The following ATP6V1C2 variants were observed in gnomAD, a reference collection of about 807,000 sequenced individuals.
ATP6V1C2 encodes the protein V-type proton ATPase subunit C 2.
In ATP6V1C2, 45 loss-of-function variants were observed where a neutral mutation model predicts 56.8. The ratio of observed to expected loss-of-function variants is 0.79; its 90% CI spans 0.62 to 1.02. The LOEUF is 1.02. Ranked by LOEUF, ATP6V1C2 falls within the 50% of genes least tolerant of loss-of-function variation. The pLI is 0.00. For synonymous variants in ATP6V1C2, 220 were observed against 201.3 expected (o/e 1.09, Z -0.79); for missense variants, 463 against 519.7 (o/e 0.89, Z 1.06).
intron 13 of ATP6V1C2, among the ~76,000 whole-genome samples, chr2:10,782,730 T>C (rs201390567): frequency 1.3e-4 from 18 of 143,002 alleles, no homozygotes; most frequent in African/African-American, 4.7e-4. Context: ...ACTTGGGAGG[T>C]TGAGGCAGGA....
chr2:10,747,522 C>G (rs1020132402), intron 3 of ATP6V1C2, among the ~76,000 whole-genome samples: 4 of 152,124 alleles, frequency 2.6e-5, no homozygotes, highest in African/African-American at 9.7e-5. Context: ...AATACTGGTA[C>G]TCGGTCTACA....
intron 6 of ATP6V1C2, chr2:10,769,876 A>T (rs1269720791): frequency 6.6e-6 from 1 of 152,194 alleles, no homozygotes; most frequent in Non-Finnish European, 1.5e-5. Flanking sequence ...TCAATTGTAG[A>T]GTTTTCAATA....
At chr2:10,767,516 G>A (rs1664301805) in intron 5 of ATP6V1C2, among the ~76,000 whole-genome samples, 1 of 151,878 alleles carries the variant, frequency 6.6e-6, no homozygotes, top group African/African-American at 2.4e-5. Context: ...GGAGTACAGT[G>A]GTGTGATCTC....
chr2:10,752,816 CA>C (rs1448131820), intron 3 of ATP6V1C2, among the ~76,000 whole-genome samples: 1 of 151,986 alleles, frequency 6.6e-6, no homozygotes, highest in Non-Finnish European at 1.5e-5. Context: ...GCCAACATGG[CA>C]AAACCCCGTC....
At chr2:10,738,768 C>T (rs977682030) in intron 3 of ATP6V1C2, among the ~76,000 whole-genome samples, 9 of 152,260 alleles carry the variant, frequency 5.9e-5, no homozygotes, top group Admixed American at 6.5e-5. Flanking sequence ...GCCTAGGGTT[C>T]GTTCCCATCT....
chr2:10,727,597 T>C (rs535213903), intron 3 of ATP6V1C2, among the ~76,000 whole-genome samples: 1 of 151,690 alleles, frequency 6.6e-6, no homozygotes, highest in Non-Finnish European at 1.5e-5. Context: ...AGGATATATA[T>C]AGTGAAAGTG....
intron 5 of ATP6V1C2, chr2:10,768,145 G>C (rs1187090146): frequency 6.5e-6 from 1 of 152,946 alleles, no homozygotes; most frequent in Non-Finnish European, 1.5e-5. Context: ...CTGCGAGGAG[G>C]GAATGTGAAG....
chr2:10,768,682 C>T, intron 5 of ATP6V1C2, 37 bp from the exon 6 acceptor site: 1 of 1,583,420 alleles, frequency 6.3e-7, no homozygotes, highest in Non-Finnish European at 8.7e-7. Flanking sequence ...TCCTTCAATG[C>T]TCAGGGTCAC....
At chr2:10,745,619 G>T (rs1662866825) in intron 3 of ATP6V1C2, among the ~76,000 whole-genome samples, 1 of 152,118 alleles carries the variant, frequency 6.6e-6, no homozygotes, top group Non-Finnish European at 1.5e-5. Context: ...GGGTTTACAG[G>T]CATGAGCCAC....
intron 6 of ATP6V1C2, among the ~76,000 whole-genome samples, chr2:10,771,463 C>T (rs990105471): frequency 3.3e-5 from 5 of 152,234 alleles, no homozygotes; most frequent in Non-Finnish European, 1.5e-5. Context: ...GTTGTGTTGA[C>T]ACTTGAGTAA....
chr2:10,730,406 G>A (rs1460236160), intron 3 of ATP6V1C2, among the ~76,000 whole-genome samples: 1 of 152,106 alleles, frequency 6.6e-6, no homozygotes, highest in Non-Finnish European at 1.5e-5. Flanking sequence ...GTGAGCCACT[G>A]TGCCTGGCCA....
In ATP6V1C2 at chr2:10,784,987, C is replaced by A; in HGVS notation, c.*1724C>A. 6.3e-7 allele frequency: 1 copy of A among 1,589,936 alleles called. No individual in the cohort carries two copies. Among genetic ancestry groups the A allele is most frequent in the East Asian group, 2.3e-5 (1 of 43,980 alleles). On this transcript the variant is annotated 3_prime_UTR_variant, in exon 14 of 14. Transcript: ENST00000272238. ...CTCTCAACGATGGTAGGGAAAGCCC[C>A]GCCTCCTACAGGTGCCGTGGAGCCA... is the stretch of plus-strand genomic sequence containing the variant.
At chr2:10,740,915 G>A (rs1046635078) in intron 3 of ATP6V1C2, among the ~76,000 whole-genome samples, 2 of 152,208 alleles carry the variant, frequency 1.3e-5, no homozygotes, top group Admixed American at 6.5e-5. Flanking sequence ...TCAAACTCCC[G>A]ACCTCAGGTG....
At chr2:10,745,022 C>A (rs2148442657) in intron 3 of ATP6V1C2, among the ~76,000 whole-genome samples, 1 of 147,266 alleles carries the variant, frequency 6.8e-6, no homozygotes, top group African/African-American at 2.5e-5. Context: ...TCATTTATTA[C>A]CATTTGTTTA....
At chr2:10,758,913 C>T (rs972227750) in intron 4 of ATP6V1C2, among the ~76,000 whole-genome samples, 4 of 152,132 alleles carry the variant, frequency 2.6e-5, no homozygotes, top group East Asian at 3.9e-4. Context: ...GTGATCCGCC[C>T]GTCTCAGTCT....
intron 10 of ATP6V1C2, among the ~76,000 whole-genome samples, chr2:10,775,483 C>T (rs1664905691): frequency 6.6e-6 from 1 of 152,178 alleles, no homozygotes. Context: ...CATCTGTGTG[C>T]AGGGTGGGCA....
chr2:10,776,233 T>A (rs1467860521), intron 10 of ATP6V1C2, among the ~76,000 whole-genome samples: 2 of 152,006 alleles, frequency 1.3e-5, no homozygotes, highest in Admixed American at 1.3e-4. Flanking sequence ...TTTTTCACCC[T>A]CCTCCTCCGA....
chr2:10,748,823 C>CT (rs968049205), intron 3 of ATP6V1C2, among the ~76,000 whole-genome samples: 13 of 152,096 alleles, frequency 8.5e-5, no homozygotes, highest in Middle Eastern at 3.4e-3. Flanking sequence ...TAGCTCAAAA[C>CT]TTTTTCTCAA....
At chr2:10,760,369 CA>C (rs1337677481) in intron 4 of ATP6V1C2, among the ~76,000 whole-genome samples, 41 of 145,182 alleles carry the variant, frequency 2.8e-4, no homozygotes, top group African/African-American at 3.0e-4. Flanking sequence ...AGATCCATTT[CA>C]AAAAAAAAAA....
Sources: allele counts gnomAD v4.1 joint callset (sites outside exome capture counted in the v4.1 genomes callset), GRCh38; gene constraint gnomAD v4.1.1; transcripts MANE v1.5; gene names NCBI Gene and HGNC (gene_info 2026-07-23, HGNC 2026-07-21).